Variants in SNTB2 observed in about 807,000 individuals in gnomAD.
SNTB2 encodes the protein beta-2-syntrophin.
SNTB2 carries 34 observed loss-of-function variants against 46.2 expected under a neutral mutation model. The observed-to-expected ratio is 0.74, with a 90% CI of 0.56 to 0.98. The LOEUF is 0.98. SNTB2 is among the 50% of genes least tolerant of loss of function. The pLI is 0.00. For synonymous variants in SNTB2, 290 were observed against 312.6 expected (o/e 0.93, Z 0.76); for missense variants, 603 against 731.4 (o/e 0.82, Z 2.02).
At chr16:69,206,908 G>A (rs1180478623) in intron 1 of SNTB2, among the ~76,000 whole-genome samples, 4 of 150,746 alleles carry the variant, frequency 2.7e-5, no homozygotes, top group African/African-American at 7.3e-5. Context: ...TGGGACTACA[G>A]GCGCCTGCCA....
At chr16:69,187,845 T>C in intron 1 of SNTB2, 99 bp downstream of exon 1, 2 of 948,012 alleles carry the variant, frequency 2.1e-6, no homozygotes, top group Non-Finnish European at 1.4e-6. Context: ...GCCGGTTCTC[T>C]CCCCGTCTCT....
chr16:69,292,357 TA>T lies in SNTB2; in HGVS notation c.1346-7232del, dbSNP rs1291284058. ...TTACCATTGTTCACCTTATTTTTTATATATATATATATATATATATATTATA... is the reference window on the plus strand; with the variant it reads ...TTACCATTGTTCACCTTATTTTTTATTATATATATATATATATATATTATA... On this transcript the variant is annotated intron_variant, in intron 5 of 6. Coordinates refer to ENST00000336278, the MANE Select transcript of SNTB2 (RefSeq NM_006750.4). Among the ~76,000 whole-genome samples, 33 of 29,844 alleles carry T rather than the reference TA, an allele frequency of 1.1e-3. 2 individuals are homozygous for T. In the East Asian group the frequency reaches 0.039, roughly 35 times the overall value. The allele number at this position is 29,844 out of a possible 152,430, so 19.6% of individuals were successfully genotyped here.
intron 1 of SNTB2, among the ~76,000 whole-genome samples, chr16:69,192,128 A>C (rs995924403): frequency 6.6e-6 from 1 of 152,244 alleles, no homozygotes. Flanking sequence ...CACTGGATGC[A>C]GTGCAAAGAG....
At chr16:69,198,678 G>GA (rs1004607371) in intron 1 of SNTB2, among the ~76,000 whole-genome samples, 12 of 152,048 alleles carry the variant, frequency 7.9e-5, no homozygotes, top group African/African-American at 2.7e-4. Flanking sequence ...TTTTTCTTGG[G>GA]AAAAAATACA....
chr16:69,282,444 ATTTG>A (rs375602047), intron 4 of SNTB2, among the ~76,000 whole-genome samples: 20 of 151,974 alleles, frequency 1.3e-4, no homozygotes, highest in African/African-American at 4.6e-4. Context: ...CCATTGATCA[ATTTG>A]TTTGTTCTTT....
intron 1 of SNTB2, among the ~76,000 whole-genome samples, chr16:69,223,258 T>C (rs1264979114): frequency 6.7e-6 from 1 of 148,752 alleles, no homozygotes; most frequent in Admixed American, 6.7e-5. Flanking sequence ...AGTCGTGTGA[T>C]CTTGGCTCAC....
intron 3 of SNTB2, among the ~76,000 whole-genome samples, chr16:69,266,510 A>T (rs146805063): frequency 6.6e-6 from 1 of 152,088 alleles, no homozygotes; most frequent in African/African-American, 2.4e-5. Flanking sequence ...GAAAGAGTTA[A>T]AAGAGTAAAC....
intron 3 of SNTB2, among the ~76,000 whole-genome samples, chr16:69,264,722 A>G (rs543814789): frequency 6.6e-6 from 1 of 152,292 alleles, no homozygotes; most frequent in African/African-American, 2.4e-5. Context: ...AAGTTCCTGA[A>G]CCAGTAGAAG....
At chr16:69,249,790 C>G (rs950708401) in intron 2 of SNTB2, among the ~76,000 whole-genome samples, 1 of 152,140 alleles carries the variant, frequency 6.6e-6, no homozygotes. Context: ...GTAACTTGTT[C>G]TAATTTTACT....
intron 1 of SNTB2, among the ~76,000 whole-genome samples, chr16:69,232,133 G>T (rs1964511596): frequency 6.6e-6 from 1 of 151,496 alleles, no homozygotes; most frequent in African/African-American, 2.4e-5. Flanking sequence ...CTTCGATGAG[G>T]CCTAAAAAAT....
chr16:69,274,591 C>T lies in SNTB2; in HGVS notation c.1148+4306C>T, dbSNP rs545475875. Among the ~76,000 whole-genome samples the T allele has an allele frequency of 2.8e-3, 411 of 149,376 alleles. 1 individual carries two copies. Among genetic ancestry groups the T allele is most frequent in the South Asian group, 0.013 (59 of 4,718 alleles). ...TGGCATGAACCCAGGAGGCAGAGCT[C>T]GCAGTGAGCCAAGATCGCGTCACTG... On this transcript the variant is annotated intron_variant, in intron 4 of 6. Coordinates refer to ENST00000336278, the MANE Select transcript of SNTB2 (RefSeq NM_006750.4).
At position 69,270,125 on chromosome 16, in the gene SNTB2, A is replaced by T. The variant is rs371849423; in HGVS notation, c.1006-18A>T. 2 of 1,613,762 alleles carry T rather than the reference A, an allele frequency of 1.2e-6. No individual in the cohort carries two copies. Among genetic ancestry groups the T allele is most frequent in the African/African-American group, 2.7e-5 (2 of 74,856 alleles). On this transcript the variant is annotated intron_variant, in intron 3 of 6. Coordinates refer to ENST00000336278, the MANE Select transcript of SNTB2 (RefSeq NM_006750.4). ...GATTATAGTTAGCCCTGATTTCTGA[A>T]TTTTTCCATTGTAACAGGCAAAACT...
At chr16:69,200,184 G>C (rs1289677404) in intron 1 of SNTB2, among the ~76,000 whole-genome samples, 2 of 152,150 alleles carry the variant, frequency 1.3e-5, no homozygotes, top group African/African-American at 4.8e-5. Context: ...AAAGGAGGGG[G>C]ACATTTTTAA....
At chr16:69,206,691 C>G (rs184769144) in intron 1 of SNTB2, among the ~76,000 whole-genome samples, 1 of 143,626 alleles carries the variant, frequency 7.0e-6, no homozygotes, top group Non-Finnish European at 1.5e-5. Flanking sequence ...AACTCCATCT[C>G]AGAAAGAAAA....
chr16:69,298,132 C>T (rs1049935672), intron 5 of SNTB2, among the ~76,000 whole-genome samples: 4 of 151,976 alleles, frequency 2.6e-5, no homozygotes, highest in African/African-American at 9.7e-5. Context: ...GAAATGAGAT[C>T]TTGCCATGTT....
At chr16:69,240,172 T>TA (rs1327822547) in intron 1 of SNTB2, among the ~76,000 whole-genome samples, 2 of 152,238 alleles carry the variant, frequency 1.3e-5, no homozygotes, top group African/African-American at 4.8e-5. Flanking sequence ...ATTTTTTGCA[T>TA]ATTTTATTCA....
intron 4 of SNTB2, among the ~76,000 whole-genome samples, chr16:69,280,794 C>T (rs1192228476): frequency 1.3e-5 from 2 of 150,362 alleles, no homozygotes; most frequent in African/African-American, 4.9e-5. Flanking sequence ...CTTGTCTTTT[C>T]ATTCTCTCTT....
At chr16:69,262,797 C>T (rs1964847424) in intron 3 of SNTB2, among the ~76,000 whole-genome samples, 1 of 152,104 alleles carries the variant, frequency 6.6e-6, no homozygotes, top group South Asian at 2.1e-4. Flanking sequence ...CTGCCTCAGC[C>T]TCCCGAGTAG....
chr16:69,234,522 A>G (rs1313542009), intron 1 of SNTB2, among the ~76,000 whole-genome samples: 2 of 152,228 alleles, frequency 1.3e-5, no homozygotes, highest in Non-Finnish European at 2.9e-5. Context: ...CAGTGTAATT[A>G]GGAATTTTTG....
Sources: allele counts gnomAD v4.1 joint callset (sites outside exome capture counted in the v4.1 genomes callset), GRCh38; gene constraint gnomAD v4.1.1; transcripts MANE v1.5; gene names NCBI Gene and HGNC (gene_info 2026-07-23, HGNC 2026-07-21).